Variants in SVOP observed in about 807,000 individuals in gnomAD.
The protein encoded by SVOP is synaptic vesicle 2-related protein.
A neutral mutation model predicts 69.1 loss-of-function variants in SVOP; 17 were observed. The ratio of observed to expected loss-of-function variants is 0.25; its 90% CI spans 0.17 to 0.37. SVOP has a LOEUF of 0.37. SVOP is among the 10% of genes least tolerant of loss of function. The pLI, the probability that SVOP is intolerant of heterozygous loss-of-function variation, is 1.00. For synonymous variants in SVOP, 238 were observed against 238.6 expected, an observed-to-expected ratio of 1.00 and a Z score of 0.02; for missense variants, 435 against 597.5, an observed-to-expected ratio of 0.73 and a Z score of 2.84.
chr12:108,995,502 A>T (rs2040226261), intron 1 of SVOP, among the ~76,000 whole-genome samples: 1 of 152,196 alleles, frequency 6.6e-6, no homozygotes, highest in East Asian at 1.9e-4. Context: ...GCTGGGGGGA[A>T]GGGAGGATAG....
At chr12:108,979,855 A>T (rs1329247287) in intron 2 of SVOP, among the ~76,000 whole-genome samples, 2 of 152,218 alleles carry the variant, frequency 1.3e-5, no homozygotes, top group Admixed American at 1.3e-4. Flanking sequence ...TATAATTTAT[A>T]AGCTAATAAG....
intron 5 of SVOP, 132 bp from the exon 6 acceptor site, chr12:108,961,179 C>T (rs1479453768): frequency 1.1e-5 from 13 of 1,183,956 alleles, no homozygotes; most frequent in Non-Finnish European, 1.4e-5. Context: ...TACTGGGTTC[C>T]TCTGTATGGG....
intron 8 of SVOP, among the ~76,000 whole-genome samples, chr12:108,939,482 A>G (rs566502251): frequency 4.4e-4 from 67 of 152,288 alleles, no homozygotes; most frequent in Non-Finnish European, 7.5e-4. Context: ...GGAAGTCCCA[A>G]CCCCAAATGA....
In SVOP at chr12:108,909,106, C is replaced by G. The variant is rs907264077; in HGVS notation, c.*3429G>C. The G allele has an allele frequency of 6.6e-6, 1 of 152,160 alleles. No homozygotes were observed. The highest frequency in any genetic ancestry group is 1.5e-5 in the Non-Finnish European group (1 of 68,036). 9.4% of individuals were successfully genotyped at this position (152,160 alleles called of 1,614,324 possible). A position where few individuals can be genotyped will look rare whatever the true frequency, so the allele number is the denominator to read the frequency against. On this transcript the variant is annotated 3_prime_UTR_variant, in exon 16 of 16. Coordinates refer to ENST00000610966, the MANE Select transcript of SVOP (RefSeq NM_018711.5). Reference sequence around the variant, plus strand: ...AGGTTTCAAGCACAGGGTCAGATGGCCAACATGCAGAGGATGGTGAAAAGA... The same window carrying G: ...AGGTTTCAAGCACAGGGTCAGATGGGCAACATGCAGAGGATGGTGAAAAGA...
intron 12 of SVOP, 51 bp downstream of exon 12, chr12:108,922,639 C>T (rs2039756358): frequency 1.5e-6 from 2 of 1,375,724 alleles, no homozygotes; most frequent in East Asian, 2.4e-5. Context: ...TGAACAATTG[C>T]CATATTCCCA....
intron 15 of SVOP, among the ~76,000 whole-genome samples, chr12:108,915,287 A>G (rs1440631566): frequency 6.6e-6 from 1 of 152,012 alleles, no homozygotes; most frequent in African/African-American, 2.4e-5. Context: ...CCCCATCCCC[A>G]GGTAGTGAGC....
chr12:108,932,269 T>C (rs1390993017), intron 11 of SVOP, among the ~76,000 whole-genome samples: 1 of 152,060 alleles, frequency 6.6e-6, no homozygotes, highest in Non-Finnish European at 1.5e-5. Context: ...CTCCTGCCTC[T>C]TCCTCCCAAA....
In SVOP at chr12:109,020,936, C is replaced by T. The variant is rs376552514; in HGVS notation, c.-68G>A. 80 of 699,740 alleles carry T rather than the reference C, an allele frequency of 1.1e-4. No individual in the cohort carries two copies. The African/African-American group carries it at 1.3e-3, about 11-fold the overall frequency. 43.3% of individuals were successfully genotyped at this position (699,740 alleles called of 1,614,324 possible). A position where few individuals can be genotyped will look rare whatever the true frequency, so the allele number is the denominator to read the frequency against. Reference sequence around the variant, plus strand: ...TGGTAGTGGTGGATGACGAGCCCTCCGGTTTTCAGCACCGGGAAGCTGGAC... The same window carrying T: ...TGGTAGTGGTGGATGACGAGCCCTCTGGTTTTCAGCACCGGGAAGCTGGAC... On this transcript the variant is annotated 5_prime_UTR_variant, in exon 1 of 16. Coordinates refer to ENST00000610966, the MANE Select transcript of SVOP (RefSeq NM_018711.5).
intron 12 of SVOP, 112 bp downstream of exon 12, chr12:108,922,578 G>A (rs746321339): frequency 4.4e-5 from 33 of 748,970 alleles, no homozygotes; most frequent in Non-Finnish European, 6.5e-5. Context: ...AAAGTCCCTC[G>A]CTGACTAAAA....
intron 1 of SVOP, among the ~76,000 whole-genome samples, chr12:108,990,915 T>G (rs1047383515): frequency 2.0e-5 from 3 of 152,200 alleles, no homozygotes; most frequent in African/African-American, 7.2e-5. Flanking sequence ...ACACTTTGAG[T>G]GCATTCCCAG....
chr12:108,925,494 G>A (rs554094120), intron 11 of SVOP, among the ~76,000 whole-genome samples: 14 of 152,194 alleles, frequency 9.2e-5, no homozygotes, highest in East Asian at 3.9e-4. Context: ...TTTCCAACAC[G>A]TCAGTCAAAG....
At chr12:108,980,519 C>A (rs945447882) in intron 2 of SVOP, among the ~76,000 whole-genome samples, 3 of 152,120 alleles carry the variant, frequency 2.0e-5, no homozygotes, top group Admixed American at 2.0e-4. Context: ...GAGGCCAAGG[C>A]GAGCAGATCA....
chr12:108,956,068 A>G (rs2039983802), intron 6 of SVOP, among the ~76,000 whole-genome samples: 1 of 152,118 alleles, frequency 6.6e-6, no homozygotes, highest in Non-Finnish European at 1.5e-5. Context: ...TGGGAGGCTG[A>G]GGTGGGTGGA....
Position 108,949,124 on chromosome 12 carries a change from A to G in SVOP, c.579-3958T>C, listed in dbSNP as rs1185791652. On this transcript the variant is annotated intron_variant, in intron 6 of 15. Coordinates refer to ENST00000610966, the MANE Select transcript of SVOP (RefSeq NM_018711.5). ...CTGTTTTTTTGTTTAGTTATAGAGT[A>G]TTATATGAATGCAATCTCATTGTAA... is the stretch of plus-strand genomic sequence containing the variant. 2.0e-5 allele frequency among the ~76,000 whole-genome samples: 3 copies of G among 152,270 alleles called. No individual in the cohort carries two copies. In the East Asian group the frequency reaches 5.8e-4, roughly 29 times the overall value.
chr12:108,970,248 G>A (rs2137429144), intron 5 of SVOP, among the ~76,000 whole-genome samples: 1 of 152,292 alleles, frequency 6.6e-6, no homozygotes. Flanking sequence ...GCATCATAGT[G>A]AAGACAGAGC....
rs1229159853 is a variant in SVOP, at chr12:108,911,420, T to C, written c.*1115A>G. The C allele has an allele frequency of 6.6e-6, 1 of 152,148 alleles. No homozygotes were observed. Among genetic ancestry groups the C allele is most frequent in the Non-Finnish European group, 1.5e-5 (1 of 68,072 alleles). The allele number at this position is 152,148 out of a possible 1,614,324, so 9.4% of individuals were successfully genotyped here. On this transcript the variant is annotated 3_prime_UTR_variant, in exon 16 of 16. Transcript: ENST00000610966. ...GTAAACTTTTTCCCCTCAAGAGTCA[T>C]CATTCAGGCCGGGTGCAGTGGCTCC...
chr12:108,912,476 G>A lies in SVOP; in HGVS notation c.*59C>T. On this transcript the variant is annotated 3_prime_UTR_variant, in exon 16 of 16. Coordinates refer to ENST00000610966, the MANE Select transcript of SVOP (RefSeq NM_018711.5). ...CAGTGACAATCAGTGCCCCAGTTGG[G>A]GCCTGCCAGCCCCCCAAGCTCTGCA... is the stretch of plus-strand genomic sequence containing the variant. The A allele has an allele frequency of 3.1e-6, 5 of 1,605,264 alleles. No homozygotes were observed. The highest frequency in any genetic ancestry group is 3.4e-6 in the Non-Finnish European group (4 of 1,173,376).
In SVOP at chr12:109,020,892, C is replaced by T. The variant is rs1489676177; in HGVS notation, c.-24G>A. 2.8e-6 allele frequency: 2 copies of T among 717,894 alleles called. No individual in the cohort carries two copies. Among genetic ancestry groups the T allele is most frequent in the Non-Finnish European group, 5.2e-6 (2 of 384,870 alleles). The allele number at this position is 717,894 out of a possible 1,614,324, so 44.5% of individuals were successfully genotyped here. Reference sequence around the variant, plus strand: ...ATGTCCGCGCTGCGCCAGGATGAGCCCTTCTCATGGCCCTTACATGGTAGT... The same window carrying T: ...ATGTCCGCGCTGCGCCAGGATGAGCTCTTCTCATGGCCCTTACATGGTAGT... On this transcript the variant is annotated 5_prime_UTR_variant, in exon 1 of 16. Transcript: ENST00000610966.
intron 1 of SVOP, among the ~76,000 whole-genome samples, chr12:108,991,285 A>G (rs1427613775): frequency 6.6e-6 from 1 of 152,162 alleles, no homozygotes; most frequent in African/African-American, 2.4e-5. Context: ...TTGCCCAGCA[A>G]GAACACTGTT....
Sources: gnomAD v4.1 joint callset for allele counts (sites outside exome capture counted in the v4.1 genomes callset) on GRCh38, gnomAD v4.1.1 for gene constraint, MANE v1.5 for transcripts, NCBI Gene and HGNC (gene_info 2026-07-23, HGNC 2026-07-21) for gene names.